FRAS1: variants seen among roughly 807,000 people sequenced by gnomAD.
The protein encoded by FRAS1 is Fraser extracellular matrix complex subunit 1.
Under a neutral mutation model 435.2 loss-of-function variants are expected in FRAS1, and 290 were observed. The ratio of observed to expected loss-of-function variants is 0.67; its 90% confidence interval spans 0.61 to 0.73. The LOEUF is 0.73. FRAS1 is among the 30% of genes least tolerant of loss of function. FRAS1 has a pLI of 0.00. For missense variants in FRAS1, 4,860 were observed against 5,001.5 expected, an observed-to-expected ratio of 0.97 and a Z score of 0.85; for synonymous variants, 1,800 against 1,851.0, an observed-to-expected ratio of 0.97 and a Z score of 0.71.
intron 14 of FRAS1, 110 bp from the exon 15 acceptor site, chr4:78,307,948 TTTAGGAAC>T: frequency 1.0e-6 from 1 of 1,001,994 alleles, no homozygotes; most frequent in African/African-American, 1.6e-5. Flanking sequence ...TCAATAGCAG[TTTAGGAAC>T]TAAGGAACCA....
intron 22 of FRAS1, among the ~76,000 whole-genome samples, chr4:78,367,264 G>GTCCA (rs1731307425): frequency 6.6e-6 from 1 of 152,080 alleles, no homozygotes; most frequent in Non-Finnish European, 1.5e-5. Flanking sequence ...AATAAGCTGG[G>GTCCA]CATGGTGGCA....
chr4:78,416,074 G>A (rs1257398799), intron 32 of FRAS1, among the ~76,000 whole-genome samples: 3 of 152,164 alleles, frequency 2.0e-5, no homozygotes, highest in South Asian at 2.1e-4. Context: ...TGATACAGAC[G>A]TACACACACA....
chr4:78,489,504 T>A (rs945229645), intron 59 of FRAS1, among the ~76,000 whole-genome samples: 1 of 152,190 alleles, frequency 6.6e-6, no homozygotes, highest in African/African-American at 2.4e-5. Context: ...AGGGTCTCAC[T>A]GTCTCAGGAG....
chr4:78,331,734 G>A (rs1327244767), intron 18 of FRAS1, among the ~76,000 whole-genome samples: 1 of 152,170 alleles, frequency 6.6e-6, no homozygotes, highest in Admixed American at 6.5e-5. Flanking sequence ...TTATCTGCAT[G>A]AAGAACCAGG....
chr4:78,215,352 C>T (rs540651858), intron 2 of FRAS1, among the ~76,000 whole-genome samples: 2 of 152,198 alleles, frequency 1.3e-5, no homozygotes, highest in African/African-American at 2.4e-5. Context: ...CATGCCACCA[C>T]GCACAGCTAA....
chr4:78,387,777 C>T (rs1732279109), intron 29 of FRAS1, 76 bp downstream of exon 29: 1 of 1,012,058 alleles, frequency 9.9e-7, no homozygotes, highest in African/African-American at 1.6e-5. Flanking sequence ...TTTTATGATA[C>T]TCACAAAGTT....
In FRAS1 at chr4:78,522,704, T is replaced by C; in HGVS notation, c.10704T>C (p.Thr3568=). Reference sequence around the variant, plus strand: ...CAGAAGTGAAATCTTTCGTATTGACTCCAGACCACCTAGGAGGAATTGAAT... The same window carrying C: ...CAGAAGTGAAATCTTTCGTATTGACCCCAGACCACCTAGGAGGAATTGAAT... ...TLPEVKSFVL[T]PDHLGGIEFD... Residue 3568 remains threonine (T), a synonymous_variant, in exon 69 of 74, where the codon ACT becomes ACC. Coordinates refer to ENST00000512123, the MANE Select transcript of FRAS1 (RefSeq NM_025074.7). 6.2e-7 allele frequency: 1 copy of C among 1,611,038 alleles called. No individual in the cohort carries two copies.
chr4:78,415,918 A>G (rs188526527), intron 32 of FRAS1, among the ~76,000 whole-genome samples: 15 of 152,288 alleles, frequency 9.8e-5, no homozygotes, highest in Non-Finnish European at 1.3e-4. Context: ...TAGAGCAAGA[A>G]CAATTAGTGG....
At position 78,511,421 on chromosome 4, in the gene FRAS1, G is replaced by T. The variant is rs370933558; in HGVS notation, c.9928G>T (p.Ala3310Ser). 1.2e-5 allele frequency: 20 copies of T among 1,613,852 alleles called. No homozygotes were observed. In the African/African-American group the frequency reaches 2.5e-4, roughly 20 times the overall value. The change falls in exon 64 of 74, where the codon GCT becomes TCT. Residue 3310 changes from alanine (A) to serine (S), a missense_variant. Ala to Ser is a moderately conservative substitution (Grantham distance 99). Coordinates refer to ENST00000512123, the MANE Select transcript of FRAS1 (RefSeq NM_025074.7). Reference sequence around the variant, plus strand: ...TGCTATCTGCCACACACCAGTGGTGGCTGGGACATCCAGAGGCTTCCAGGC... The same window carrying T: ...TGCTATCTGCCACACACCAGTGGTGTCTGGGACATCCAGAGGCTTCCAGGC... ...DSAICHTPVV[A>S]GTSRGFQAQS...
intron 70 of FRAS1, among the ~76,000 whole-genome samples, chr4:78,530,605 C>A (rs1721680873): frequency 6.6e-6 from 1 of 152,092 alleles, no homozygotes; most frequent in Admixed American, 6.6e-5. Context: ...AAACTGGACT[C>A]CATTGCTTGT....
intron 2 of FRAS1, among the ~76,000 whole-genome samples, chr4:78,117,564 GCTTCATTTCATT>G (rs1372119098): frequency 6.6e-6 from 1 of 151,754 alleles, no homozygotes; most frequent in Non-Finnish European, 1.5e-5. Flanking sequence ...TTCTCTTCTC[GCTTCATTTCATT>G]CATTTGCTCT....
At chr4:78,448,582 AG>A (rs1718926540) in intron 44 of FRAS1, among the ~76,000 whole-genome samples, 1 of 152,158 alleles carries the variant, frequency 6.6e-6, no homozygotes, top group African/African-American at 2.4e-5. Context: ...TAATATTTCC[AG>A]GGCCCTCAAA....
chr4:78,339,103 GTGA>G lies in FRAS1; in HGVS notation c.2422+1289_2422+1291del, dbSNP rs201728261. Among the ~76,000 whole-genome samples, 867 of 152,306 alleles carry G rather than the reference GTGA, an allele frequency of 5.7e-3. 5 individuals are homozygous for G. Among genetic ancestry groups the G allele is most frequent in the African/African-American group, 0.02 (818 of 41,566 alleles). The stretch of plus-strand genomic sequence containing the variant: ...GCTGTAGGATGTGAGTCTATTGCTA[GTGA>G]TGTTAGTCGTAGTCAGGACTGTCTT... On this transcript the variant is annotated intron_variant, in intron 20 of 73. Coordinates refer to ENST00000512123, the MANE Select transcript of FRAS1 (RefSeq NM_025074.7).
chr4:78,131,903 C>A (rs1053822446), intron 2 of FRAS1, among the ~76,000 whole-genome samples: 6 of 152,186 alleles, frequency 3.9e-5, no homozygotes, highest in African/African-American at 1.4e-4. Context: ...TGGGTAATAG[C>A]GTCTGCATGG....
chr4:78,373,524 T>A (rs1040883153), intron 24 of FRAS1, among the ~76,000 whole-genome samples: 15 of 151,018 alleles, frequency 9.9e-5, no homozygotes, highest in African/African-American at 3.6e-4. Context: ...ACGTCTGTAA[T>A]CCCAACAGTT....
At chr4:78,418,456 CA>C (rs1481390898) in intron 32 of FRAS1, among the ~76,000 whole-genome samples, 1 of 152,088 alleles carries the variant, frequency 6.6e-6, no homozygotes, top group Non-Finnish European at 1.5e-5. Flanking sequence ...AACTTCTAGC[CA>C]GATTCAACTT....
chr4:78,539,234 C>T, intron 72 of FRAS1, 60 bp from the exon 73 acceptor site: 2 of 1,546,120 alleles, frequency 1.3e-6, no homozygotes, highest in Middle Eastern at 3.6e-4. Context: ...GTCACTGCCA[C>T]CTACCAATAT....
intron 2 of FRAS1, among the ~76,000 whole-genome samples, chr4:78,114,209 G>A (rs59088071): frequency 1.3e-5 from 2 of 151,994 alleles, no homozygotes; most frequent in African/African-American, 4.8e-5. Context: ...GGTACCAGTA[G>A]CATGCTGTTT....
At chr4:78,298,024 CTCTCTCTATATA>C (rs1361042259) in intron 14 of FRAS1, among the ~76,000 whole-genome samples, 1,136 of 109,536 alleles carry the variant, frequency 0.01, 12 homozygotes, top group African/African-American at 0.038. Context: ...CTCTCTCTCT[CTCTCTCTATATA>C]TATATATATA....
Sources: gnomAD v4.1 joint callset for allele counts (sites outside exome capture counted in the v4.1 genomes callset) on GRCh38, gnomAD v4.1.1 for gene constraint, MANE v1.5 for transcripts, NCBI Gene and HGNC (gene_info 2026-07-23, HGNC 2026-07-21) for gene names.